The following CCDC91 variants were observed in gnomAD, a reference collection of about 807,000 sequenced individuals.
CCDC91 encodes coiled-coil domain-containing protein 91.
In CCDC91, 48 loss-of-function variants were observed where a neutral mutation model predicts 63.2. The ratio of observed to expected loss-of-function variants is 0.76; its 90% confidence interval spans 0.60 to 0.97. CCDC91 has a LOEUF of 0.97. CCDC91 is among the 50% of genes least tolerant of loss of function. The pLI, the probability that CCDC91 is intolerant of heterozygous loss-of-function variation, is 0.00. For missense variants in CCDC91, 500 were observed against 494.6 expected (o/e 1.01, Z -0.10); for synonymous variants, 167 against 165.8 (o/e 1.01, Z -0.06).
At chr12:28,457,161 A>G (rs1199444674) in intron 11 of CCDC91, among the ~76,000 whole-genome samples, 8 of 152,044 alleles carry the variant, frequency 5.3e-5, no homozygotes, top group Admixed American at 4.6e-4. Context: ...TACGAACAAC[A>G]GCTTCTGCCA....
At chr12:28,326,788 G>A (rs945997204) in intron 6 of CCDC91, among the ~76,000 whole-genome samples, 11 of 151,972 alleles carry the variant, frequency 7.2e-5, no homozygotes, top group East Asian at 5.8e-4. Flanking sequence ...TATTGTAAGC[G>A]GAATTCAAAG....
At chr12:28,443,770 G>A (rs1949356295) in intron 8 of CCDC91, among the ~76,000 whole-genome samples, 1 of 152,256 alleles carries the variant, frequency 6.6e-6, no homozygotes, top group South Asian at 2.1e-4. Flanking sequence ...AAATCTGTCA[G>A]GGGTTTATAC....
chr12:28,219,190 A>G (rs1157223043), intron 1 of CCDC91, among the ~76,000 whole-genome samples: 1 of 152,106 alleles, frequency 6.6e-6, no homozygotes, highest in East Asian at 1.9e-4. Flanking sequence ...ACATTTTTCT[A>G]ATTTCTAATG....
At chr12:28,412,165 G>A (rs1389933905) in intron 8 of CCDC91, among the ~76,000 whole-genome samples, 1 of 152,080 alleles carries the variant, frequency 6.6e-6, no homozygotes, top group African/African-American at 2.4e-5. Flanking sequence ...ATATCATCTA[G>A]GTTTGTGTAA....
At chr12:28,392,438 C>T (rs12582296) in intron 8 of CCDC91, among the ~76,000 whole-genome samples, 4,025 of 152,172 alleles carry the variant, frequency 0.026, 213 homozygotes, top group East Asian at 0.21. Context: ...ATTGTAATTG[C>T]GACGTGGAAC....
intron 11 of CCDC91, among the ~76,000 whole-genome samples, chr12:28,458,058 A>G (rs1450731753): frequency 6.6e-6 from 1 of 152,114 alleles, no homozygotes; most frequent in Non-Finnish European, 1.5e-5. Context: ...ATCAGTGGTT[A>G]AATTTTCCTT....
At chr12:28,218,741 G>T (rs1227361812) in intron 1 of CCDC91, among the ~76,000 whole-genome samples, 1 of 151,820 alleles carries the variant, frequency 6.6e-6, no homozygotes, top group East Asian at 1.9e-4. Context: ...ATGTATGTAT[G>T]TGTGTGTGTA....
chr12:28,409,001 G>T (rs571968954), intron 8 of CCDC91, among the ~76,000 whole-genome samples: 1 of 152,186 alleles, frequency 6.6e-6, no homozygotes, highest in East Asian at 1.9e-4. Flanking sequence ...TTTTTGTAGG[G>T]TTTATAGAAT....
intron 12 of CCDC91, among the ~76,000 whole-genome samples, chr12:28,532,219 A>G (rs1293426883): frequency 6.6e-6 from 1 of 152,138 alleles, no homozygotes; most frequent in Non-Finnish European, 1.5e-5. Context: ...GAAGTAAAAA[A>G]GGTGATGGCC....
chr12:28,479,627 A>G, intron 11 of CCDC91, among the ~76,000 whole-genome samples: 1 of 152,076 alleles, frequency 6.6e-6, no homozygotes, highest in Non-Finnish European at 1.5e-5. Flanking sequence ...AATATATAAA[A>G]AAAATAAATG....
At position 28,450,175 on chromosome 12, in the gene CCDC91, T is replaced by A; in HGVS notation, c.777T>A (p.Leu259=). 6.2e-7 allele frequency: 1 copy of A among 1,602,578 alleles called. No homozygotes were observed. The highest frequency in any genetic ancestry group is 8.5e-7 in the Non-Finnish European group (1 of 1,174,252). The change falls in exon 9 of 13, where the codon CTT becomes CTA. Residue 259 remains leucine (L), a synonymous_variant. Coordinates refer to ENST00000536442, the MANE Select transcript of CCDC91 (RefSeq NM_018318.5). The part of the protein sequence containing the change: ...ELLNAQHQRL[L]EMLDTEKELL... ...ATTCCTTGTAGCATCAGAGGCTCCT[T>A]GAAATGCTAGATACAGAGAAGGAAC...
rs1593027807 is a variant in CCDC91 at position 28,548,988 on chromosome 12, G to C, written c.1216-75G>C. 2.0e-6 allele frequency: 2 copies of C among 998,084 alleles called. 1 individual carries two copies. The highest frequency in any genetic ancestry group is 4.9e-5 in the East Asian group (2 of 41,146). 61.8% of individuals were successfully genotyped at this position (998,084 alleles called of 1,614,324 possible). A position where few individuals can be genotyped will look rare whatever the true frequency, so the allele number is the denominator to read the frequency against. On this transcript the variant is annotated intron_variant, in intron 12 of 12. Coordinates refer to ENST00000536442, the MANE Select transcript of CCDC91 (RefSeq NM_018318.5). ...GGAAAGTTTTTTCTAGTGGGCTTCA[G>C]AGACATAATATTCTTTATCCTTCAA... is the stretch of plus-strand genomic sequence containing the variant.
At chr12:28,505,376 C>T (rs919674340) in intron 12 of CCDC91, 2 of 151,808 alleles carry the variant, frequency 1.3e-5, no homozygotes, top group African/African-American at 4.8e-5. Context: ...GCTACAGTAA[C>T]TCAGAGAATT....
intron 12 of CCDC91, among the ~76,000 whole-genome samples, chr12:28,510,237 ATGTG>A (rs60548491): frequency 1.3e-5 from 2 of 149,028 alleles, no homozygotes; most frequent in Admixed American, 1.3e-4. Context: ...TCAATAGGGC[ATGTG>A]TGTGTGTGTG....
At chr12:28,359,436 G>A (rs1167117662) in intron 6 of CCDC91, among the ~76,000 whole-genome samples, 3 of 151,982 alleles carry the variant, frequency 2.0e-5, no homozygotes, top group East Asian at 3.9e-4. Context: ...AAAGATTGTC[G>A]AATTTTTTTG....
chr12:28,421,383 C>G (rs1365201604), intron 8 of CCDC91, among the ~76,000 whole-genome samples: 1 of 151,958 alleles, frequency 6.6e-6, no homozygotes, highest in African/African-American at 2.4e-5. Flanking sequence ...CAGGTAGGCC[C>G]TGGTGTCTAT....
chr12:28,387,795 G>C (rs1274553721), intron 7 of CCDC91, among the ~76,000 whole-genome samples: 1 of 152,090 alleles, frequency 6.6e-6, no homozygotes, highest in Non-Finnish European at 1.5e-5. Context: ...TTGATTGATG[G>C]GCATTTGGGC....
At chr12:28,466,846 A>C (rs1950573280) in intron 11 of CCDC91, among the ~76,000 whole-genome samples, 1 of 152,136 alleles carries the variant, frequency 6.6e-6, no homozygotes. Context: ...TTGGTGTGTA[A>C]ACTTTTATCC....
intron 12 of CCDC91, among the ~76,000 whole-genome samples, chr12:28,486,011 C>T (rs1951706341): frequency 1.3e-5 from 2 of 152,042 alleles, no homozygotes; most frequent in East Asian, 3.9e-4. Context: ...TGAGTTCTTC[C>T]TCTTAAAATT....
Sources: allele counts gnomAD v4.1 joint callset (sites outside exome capture counted in the v4.1 genomes callset), GRCh38; gene constraint gnomAD v4.1.1; transcripts MANE v1.5; gene names NCBI Gene and HGNC (gene_info 2026-07-23, HGNC 2026-07-21).